Variants in CFAP69 observed in about 807,000 individuals in gnomAD.
The protein encoded by CFAP69 is cilia and flagella associated protein 69, also known as cilia- and flagella-associated protein 69.
CFAP69 carries 92 observed loss-of-function variants against 123.0 expected under a neutral mutation model. The observed-to-expected ratio is 0.75, with a 90% CI of 0.63 to 0.89. The LOEUF (loss-of-function observed/expected upper bound fraction) is 0.89, where lower values mean the gene tolerates loss of function less well. Among genes scored for constraint, CFAP69 ranks in the 40% least tolerant of loss-of-function variants. CFAP69 has a pLI of 0.00. For missense variants in CFAP69, 1,067 were observed against 1,096.9 expected (o/e 0.97, Z 0.39); for synonymous variants, 380 against 364.3 (o/e 1.04, Z -0.49).
At chr7:90,297,954 C>T (rs769390644) in intron 16 of CFAP69, 124 bp downstream of exon 16, 14 of 607,668 alleles carry the variant, frequency 2.3e-5, no homozygotes, top group East Asian at 6.6e-5. Context: ...TTCAAAGGTA[C>T]GGTCTTAAAC....
intron 15 of CFAP69, among the ~76,000 whole-genome samples, chr7:90,292,565 A>G (rs2117224947): frequency 6.6e-6 from 1 of 152,336 alleles, no homozygotes; most frequent in South Asian, 2.1e-4. Context: ...GCCATAAATT[A>G]AGAACACTCA....
At chr7:90,290,050 G>A (rs1168619001) in intron 15 of CFAP69, among the ~76,000 whole-genome samples, 1 of 152,048 alleles carries the variant, frequency 6.6e-6, no homozygotes, top group African/African-American at 2.4e-5. Context: ...GTCTTTCTAC[G>A]TTTTCCTTCC....
chr7:90,319,550 T>G, the CFAP69 span: 2 of 398,480 alleles, frequency 5.0e-6, no homozygotes, highest in Admixed American at 8.8e-5. Flanking sequence ...GCATCCACAT[T>G]GTGCTCTATC....
rs1430398664 is a variant in CFAP69, at chr7:90,309,320, CA to C, written c.2612del (p.Asn871MetfsTer21). ...AGCCTCCAGATACCATAAACGACCA[CA>C]AAATGCAATATTTCACCAAACACAT... ...IEASRYHKRP[Q>X]NAIFHQTHIK... On this transcript the variant is annotated frameshift_variant, in exon 22 of 23. Transcript: ENST00000389297. LOFTEE classifies it high-confidence loss of function. The C allele has an allele frequency of 1.3e-6, 2 of 1,589,040 alleles. No homozygotes were observed. The highest frequency in any genetic ancestry group is 2.7e-5 in the African/African-American group (2 of 73,974).
At chr7:90,287,225 C>CA (rs1311617941) in intron 14 of CFAP69, among the ~76,000 whole-genome samples, 2 of 152,068 alleles carry the variant, frequency 1.3e-5, no homozygotes, top group East Asian at 3.9e-4. Context: ...GATAGATAGG[C>CA]ACTTGGGTTG....
At chr7:90,268,223 C>G (rs978901018) in intron 5 of CFAP69, 63 bp from the exon 6 acceptor site, 1 of 1,033,506 alleles carries the variant, frequency 9.7e-7, no homozygotes, top group South Asian at 1.5e-5. Flanking sequence ...CATTTTATGC[C>G]TAAATTCTAC....
At position 90,288,224 on chromosome 7, in the gene CFAP69, TC is replaced by T; in HGVS notation, c.1657-9del. On this transcript the variant is annotated splice_polypyrimidine_tract_variant and intron_variant, in intron 14 of 22. Coordinates refer to ENST00000389297, the MANE Select transcript of CFAP69 (RefSeq NM_001039706.3). The stretch of plus-strand genomic sequence containing the variant: ...TTCAAGAAATAATTTAAAACAAATA[TC>T]TTAAACAGGAAATTTTCGGAACTGA... 1 of 1,593,138 alleles carries T rather than the reference TC, an allele frequency of 6.3e-7. No individual in the cohort carries two copies. Among genetic ancestry groups the T allele is most frequent in the Non-Finnish European group, 8.6e-7 (1 of 1,163,404 alleles).
chr7:90,322,504 C>G, the CFAP69 span: 2 of 152,164 alleles, frequency 1.3e-5, no homozygotes, highest in Non-Finnish European at 2.9e-5. Context: ...GGCACATGTC[C>G]CCACCCCCAA....
intron 17 of CFAP69, chr7:90,301,008 GC>G (rs1284070955): frequency 6.7e-6 from 1 of 150,276 alleles, no homozygotes; most frequent in East Asian, 2.0e-4. Flanking sequence ...TCGCTCTTTC[GC>G]CCAGGCTGGA....
intron 9 of CFAP69, among the ~76,000 whole-genome samples, chr7:90,275,240 C>G (rs1194392100): frequency 6.6e-6 from 1 of 152,086 alleles, no homozygotes; most frequent in African/African-American, 2.4e-5. Flanking sequence ...ACTGTAGATT[C>G]TGGTATACTC....
Position 90,286,309 on chromosome 7 carries a change from T to A in CFAP69, c.1566T>A (p.Pro522=). ...IGIFKNIISK[P]NEKEEAIVLE... Reference sequence around the variant, plus strand: ...TCTTTAAAAATATAATAAGCAAGCCTAATGAAAAGGAAGAAGCCATTGTTT... The same window carrying A: ...TCTTTAAAAATATAATAAGCAAGCCAAATGAAAAGGAAGAAGCCATTGTTT... Residue 522 remains proline (P), a synonymous_variant, in exon 14 of 23, where the codon CCT becomes CCA. Transcript: ENST00000389297. The A allele has an allele frequency of 6.2e-7, 1 of 1,605,126 alleles. No homozygotes were observed. The highest frequency in any genetic ancestry group is 8.5e-7 in the Non-Finnish European group (1 of 1,173,628).
intron 3 of CFAP69, among the ~76,000 whole-genome samples, chr7:90,261,618 T>A (rs1006855922): frequency 2.6e-5 from 4 of 152,208 alleles, no homozygotes; most frequent in African/African-American, 9.6e-5. Context: ...ATCAGTAAGT[T>A]AATGTTTTCA....
rs1266112785 is a variant in CFAP69, at chr7:90,310,933, A to G, written c.*695A>G. ...GATAAACAATAACTCTGCAACAAGT[A>G]TGTTGGTCAAAATAAAATTATGTTT... On this transcript the variant is annotated 3_prime_UTR_variant, in exon 23 of 23. Transcript: ENST00000389297. The G allele has an allele frequency of 1.3e-5, 2 of 152,224 alleles. No individual in the cohort carries two copies. Among genetic ancestry groups the G allele is most frequent in the African/African-American group, 2.4e-5 (1 of 41,458 alleles). The allele number at this position is 152,224 out of a possible 1,614,324, so 9.4% of individuals were successfully genotyped here. A position where few individuals can be genotyped will look rare whatever the true frequency, so the allele number is the denominator to read the frequency against.
chr7:90,315,231 C>T (rs1201324975), downstream of CFAP69, among the ~76,000 whole-genome samples: 4 of 152,072 alleles, frequency 2.6e-5, no homozygotes, highest in South Asian at 4.1e-4. Flanking sequence ...AACTACTATT[C>T]GACCCAGCCA....
intron 12 of CFAP69, among the ~76,000 whole-genome samples, chr7:90,281,815 T>C (rs1158335075): frequency 6.6e-6 from 1 of 152,084 alleles, no homozygotes; most frequent in African/African-American, 2.4e-5. Context: ...GAAATACTAA[T>C]TTACAAAGTG....
intron 8 of CFAP69, among the ~76,000 whole-genome samples, chr7:90,273,236 A>G (rs1419753846): frequency 1.3e-5 from 2 of 152,208 alleles, no homozygotes; most frequent in Non-Finnish European, 2.9e-5. Context: ...GCAAAATCAG[A>G]AAACTAAAAT....
downstream of CFAP69, among the ~76,000 whole-genome samples, chr7:90,314,565 G>T (rs1445063174): frequency 6.6e-6 from 1 of 151,560 alleles, no homozygotes; most frequent in Non-Finnish European, 1.5e-5. Context: ...GGAGGTTGAA[G>T]TTGCAGTGAG....
At chr7:90,253,992 C>T (rs1352352820) in intron 1 of CFAP69, among the ~76,000 whole-genome samples, 1 of 152,086 alleles carries the variant, frequency 6.6e-6, no homozygotes, top group Non-Finnish European at 1.5e-5. Flanking sequence ...AGTCTTTAAT[C>T]CATTTTGATT....
downstream of CFAP69, among the ~76,000 whole-genome samples, chr7:90,313,665 A>C (rs534226099): frequency 1.3e-5 from 2 of 152,124 alleles, no homozygotes; most frequent in East Asian, 3.9e-4. Flanking sequence ...GTATAAACAA[A>C]TGTTCATAAA....
Sources: allele counts gnomAD v4.1 joint callset (sites outside exome capture counted in the v4.1 genomes callset), GRCh38; gene constraint gnomAD v4.1.1; transcripts MANE v1.5; gene names NCBI Gene and HGNC (gene_info 2026-07-23, HGNC 2026-07-21).